TRAK1: variants seen among roughly 807,000 people sequenced by gnomAD.
TRAK1 encodes trafficking kinesin protein 1, also known as trafficking kinesin-binding protein 1.
Under a neutral mutation model 92.1 loss-of-function variants are expected in TRAK1, and 33 were observed. The ratio of observed to expected loss-of-function variants is 0.36; its 90% CI spans 0.27 to 0.48. TRAK1 has a LOEUF of 0.48. Among genes scored for constraint, TRAK1 ranks in the 20% least tolerant of loss-of-function variants. TRAK1 has a pLI of 0.99. For synonymous variants in TRAK1, 521 were observed against 517.3 expected (o/e 1.01, Z -0.10); for missense variants, 1,123 against 1,257.9 (o/e 0.89, Z 1.62).
At chr3:42,217,040 T>TC (rs1480029174) in intron 14 of TRAK1, among the ~76,000 whole-genome samples, 1 of 151,776 alleles carries the variant, frequency 6.6e-6, no homozygotes, top group Non-Finnish European at 1.5e-5. Context: ...CAGTGAGCCC[T>TC]CACCCAACCC....
intron 13 of TRAK1, among the ~76,000 whole-genome samples, chr3:42,205,705 C>T (rs936269926): frequency 2.6e-5 from 4 of 152,202 alleles, no homozygotes; most frequent in Non-Finnish European, 1.5e-5. Context: ...CATTATCCAG[C>T]AGGTTTCATT....
chr3:42,123,703 G>C (rs529098028), intron 1 of TRAK1, among the ~76,000 whole-genome samples: 2 of 120,156 alleles, frequency 1.7e-5, no homozygotes, highest in Non-Finnish European at 3.7e-5. Context: ...TTTGTCACAA[G>C]TATTTTTTTT....
chr3:42,174,786 C>T (rs1445459537), intron 2 of TRAK1, among the ~76,000 whole-genome samples: 2 of 150,808 alleles, frequency 1.3e-5, no homozygotes, highest in African/African-American at 2.4e-5. Context: ...AGGCTAGTCT[C>T]GAATTTCTAA....
intron 2 of TRAK1, chr3:42,149,631 A>G (rs1417676921): frequency 1.3e-6 from 2 of 1,535,930 alleles, no homozygotes; most frequent in Non-Finnish European, 1.7e-6. Flanking sequence ...CAGAGCCGGG[A>G]TGTATAGGGG....
intron 1 of TRAK1, among the ~76,000 whole-genome samples, chr3:42,118,178 G>A (rs1709408227): frequency 6.6e-6 from 1 of 152,032 alleles, no homozygotes. Flanking sequence ...CCACCTCCCG[G>A]GTTCAAGCAG....
rs1706370487 is a variant in TRAK1, at chr3:42,194,900, A to G, written c.1072A>G (p.Thr358Ala). ...KNLRNKTMPN[T>A]TSRRYHSLGL... Reference sequence around the variant, plus strand: ...CCTCCGGAACAAAACCATGCCCAATACCACGTCTCGGCGCTACCACTCACT... The same window carrying G: ...CCTCCGGAACAAAACCATGCCCAATGCCACGTCTCGGCGCTACCACTCACT... The change falls in exon 10 of 16, where the codon ACC (threonine) becomes GCC (alanine). Residue 358 changes from threonine to alanine, a missense_variant. Thr to Ala is a moderately conservative substitution (Grantham distance 58, BLOSUM62 0). This residue lies in a region of TRAK1 where 686 missense variants were observed against 747.6 expected (regional missense o/e 0.92). Transcript: ENST00000327628. 8.1e-6 allele frequency: 13 copies of G among 1,613,924 alleles called. No homozygotes were observed. The highest frequency in any genetic ancestry group is 1.0e-5 in the Non-Finnish European group (12 of 1,179,934).
chr3:42,210,904 A>C, intron 14 of TRAK1: 2 of 985,340 alleles, frequency 2.0e-6, no homozygotes, highest in Non-Finnish European at 2.4e-6. Context: ...CCCACATTCC[A>C]GTTGCCACTG....
At chr3:42,184,932 GC>G in intron 4 of TRAK1, 131 bp downstream of exon 4, 3 of 814,408 alleles carry the variant, frequency 3.7e-6, no homozygotes, top group Non-Finnish European at 6.0e-6. Context: ...CGCGGCCTGA[GC>G]CCAGAACTGT....
intron 1 of TRAK1, among the ~76,000 whole-genome samples, chr3:42,062,829 T>A (rs920968001): frequency 3.3e-5 from 5 of 152,228 alleles, no homozygotes; most frequent in African/African-American, 1.2e-4. Flanking sequence ...GGGACTTCCC[T>A]ACAGCCCCTT....
intron 1 of TRAK1, among the ~76,000 whole-genome samples, chr3:42,110,770 C>T (rs1268522167): frequency 6.6e-6 from 1 of 152,208 alleles, no homozygotes; most frequent in Admixed American, 6.5e-5. Context: ...AGCCCCAGGT[C>T]TCCCACAGGT....
chr3:42,145,076 G>T (rs938117890), intron 2 of TRAK1, among the ~76,000 whole-genome samples: 20 of 152,200 alleles, frequency 1.3e-4, no homozygotes, highest in Non-Finnish European at 7.3e-5. Context: ...AAGACACACA[G>T]TCATAATCTT....
intron 2 of TRAK1, among the ~76,000 whole-genome samples, chr3:42,174,277 G>A (rs1702916964): frequency 1.3e-5 from 2 of 152,098 alleles, no homozygotes; most frequent in African/African-American, 2.4e-5. Context: ...AGCAACACAA[G>A]GGGTCCTTGT....
chr3:42,143,536 TG>T (rs1698951243), intron 2 of TRAK1, among the ~76,000 whole-genome samples: 2 of 152,216 alleles, frequency 1.3e-5, no homozygotes, highest in East Asian at 3.9e-4. Flanking sequence ...GAGGAGTAAG[TG>T]AGATATAAAG....
chr3:42,119,654 C>T (rs748614164), intron 1 of TRAK1, among the ~76,000 whole-genome samples: 1 of 152,222 alleles, frequency 6.6e-6, no homozygotes, highest in Non-Finnish European at 1.5e-5. Flanking sequence ...ATGGCTCCAG[C>T]ACCAGGCCAA....
chr3:42,013,682 C>CCCGCAACAGTGCCCGCGT (rs1701396704), upstream of TRAK1: 2 of 147,264 alleles, frequency 1.4e-5, no homozygotes, highest in East Asian at 2.0e-4. The surrounding 1 kb of genome is among the most constrained non-coding windows in gnomAD (Gnocchi z 5.1). Flanking sequence ...CGCGGCGGCG[C>CCCGCAACAGTGCCCGCGT]CCGCAACAGT....
intron 1 of TRAK1, among the ~76,000 whole-genome samples, chr3:42,049,327 A>AT (rs140769607): frequency 0.27 from 35,861 of 133,882 alleles, 4,676 homozygotes; most frequent in African/African-American, 0.52. Flanking sequence ...TATGTCATTC[A>AT]TTTTTTTTTT....
At chr3:42,113,387 CCTACCCCTACCT>C (rs754325570) in intron 1 of TRAK1, among the ~76,000 whole-genome samples, 16,149 of 57,684 alleles carry the variant, frequency 0.28, 1,415 homozygotes, top group African/African-American at 0.4. Flanking sequence ...TACCCCTACC[CCTACCCCTACCT>C]CTACCCCTAC....
intron 1 of TRAK1, among the ~76,000 whole-genome samples, chr3:42,061,015 AG>A (rs143150599): frequency 0.055 from 8,360 of 152,176 alleles, 750 homozygotes; most frequent in African/African-American, 0.18. Context: ...TGACCCTCCA[AG>A]GGACTTAATG....
At chr3:42,035,512 G>A (rs565422959) in intron 1 of TRAK1, among the ~76,000 whole-genome samples, 13 of 152,322 alleles carry the variant, frequency 8.5e-5, no homozygotes, top group African/African-American at 3.1e-4. Flanking sequence ...GGATCTGCCT[G>A]TGAGCAGTGA....
Sources: allele counts gnomAD v4.1 joint callset (sites outside exome capture counted in the v4.1 genomes callset), GRCh38; gene constraint gnomAD v4.1.1; regional missense constraint gnomAD v4.1.1; non-coding constraint Gnocchi (gnomAD v3.1); transcripts MANE v1.5; gene names NCBI Gene and HGNC (gene_info 2026-07-23, HGNC 2026-07-21).